AHCYL1: variants seen among roughly 807,000 people sequenced by gnomAD.
AHCYL1 encodes the protein S-adenosylhomocysteine hydrolase-like protein 1.
In AHCYL1, 20 loss-of-function variants were observed where a neutral mutation model predicts 79.3. The observed-to-expected ratio is 0.25, with a 90% CI of 0.18 to 0.37. AHCYL1 has a LOEUF of 0.37. Among genes scored for constraint, AHCYL1 ranks in the 10% least tolerant of loss-of-function variants. The pLI, the probability that AHCYL1 is intolerant of heterozygous loss-of-function variation, is 1.00. For synonymous variants in AHCYL1, 223 were observed against 242.2 expected (o/e 0.92, Z 0.74); for missense variants, 330 against 673.6 (o/e 0.49, Z 5.65).
chr1:110,016,207 T>C, intron 7 of AHCYL1, 137 bp from the exon 8 acceptor site: 1 of 598,258 alleles, frequency 1.7e-6, no homozygotes, highest in Non-Finnish European at 3.0e-6. Context: ...AATCATGTTT[T>C]CTAATATCCT....
At chr1:110,016,855 C>G (rs1651451621) in intron 9 of AHCYL1, 125 bp downstream of exon 9, 1 of 997,852 alleles carries the variant, frequency 1.0e-6, no homozygotes, top group Non-Finnish European at 1.5e-6. Context: ...GATAATGTAT[C>G]TCAAACAATA....
At chr1:109,992,862 G>A (rs1475587657) in intron 1 of AHCYL1, among the ~76,000 whole-genome samples, 1 of 152,168 alleles carries the variant, frequency 6.6e-6, no homozygotes, top group Non-Finnish European at 1.5e-5. Context: ...GAAACTCATG[G>A]ATCCTGGGTT....
In AHCYL1 at chr1:110,014,643, AT is replaced by A; in HGVS notation, c.581-114del. 4.4e-6 allele frequency: 3 copies of A among 678,046 alleles called. No homozygotes were observed. The South Asian group carries it at 6.6e-5, about 15-fold the overall frequency. The allele number at this position is 678,046 out of a possible 1,614,324, so 42.0% of individuals were successfully genotyped here. On this transcript the variant is annotated intron_variant, in intron 5 of 16. Coordinates refer to ENST00000369799, the MANE Select transcript of AHCYL1 (RefSeq NM_006621.7). Reference sequence around the variant, plus strand: ...GTGATTCTTTGACTTTTGGCTCTGAATTTTTTCCCTTCTGAAATTGTTTCTT... The same window carrying A: ...GTGATTCTTTGACTTTTGGCTCTGAATTTTTCCCTTCTGAAATTGTTTCTT...
chr1:110,017,606 A>G (rs369768930), intron 10 of AHCYL1, 23 bp downstream of exon 10: 382 of 1,604,770 alleles, frequency 2.4e-4, no homozygotes, highest in Non-Finnish European at 3.0e-4. Flanking sequence ...TGATAATACT[A>G]TTAGATTCAC....
chr1:110,019,026 C>G lies in AHCYL1; in HGVS notation c.1318-25C>G, dbSNP rs375068352. ...ATTGGAATCTGAGACAGAGCTCATC[C>G]CAGGGCTCTCTCTTACCTTTCCAGG... On this transcript the variant is annotated intron_variant, in intron 13 of 16. Transcript: ENST00000369799. 8 of 1,610,080 alleles carry G rather than the reference C, an allele frequency of 5.0e-6. No individual in the cohort carries two copies. In the African/African-American group the frequency reaches 6.7e-5, roughly 13 times the overall value.
Position 110,000,955 on chromosome 1 carries a change from C to A in AHCYL1, c.121-8079C>A, listed in dbSNP as rs552426681. 1.1e-4 allele frequency: 106 copies of A among 985,164 alleles called. No individual in the cohort carries two copies. In the African/African-American group the frequency reaches 1.7e-3, roughly 16 times the overall value. 61.0% of individuals were successfully genotyped at this position (985,164 alleles called of 1,614,324 possible). On this transcript the variant is annotated intron_variant, in intron 1 of 16. Coordinates refer to ENST00000369799, the MANE Select transcript of AHCYL1 (RefSeq NM_006621.7). The stretch of plus-strand genomic sequence containing the variant: ...GCAAAGCACTTAAAGTCATATAAAT[C>A]TAGGCATTCAGGATCTTGGTGTCCA...
intron 1 of AHCYL1, chr1:109,985,374 C>T (rs1649412145): frequency 1.5e-5 from 20 of 1,311,596 alleles, no homozygotes; most frequent in Non-Finnish European, 1.8e-5. Flanking sequence ...TGTCCCTCGG[C>T]CCAAGTCCTC....
intron 1 of AHCYL1, among the ~76,000 whole-genome samples, chr1:110,001,438 G>A (rs1185948613): frequency 3.9e-5 from 6 of 152,010 alleles, no homozygotes; most frequent in Non-Finnish European, 1.5e-5. Context: ...CACCCTGCTC[G>A]ACCTCCCAAA....
intron 1 of AHCYL1, among the ~76,000 whole-genome samples, chr1:109,993,665 TAGG>T: frequency 6.6e-6 from 1 of 152,232 alleles, no homozygotes; most frequent in Admixed American, 6.5e-5. Context: ...AAGCCAGAAA[TAGG>T]AGGTCAGGGA....
chr1:110,012,621 T>A (rs556879731), intron 4 of AHCYL1, among the ~76,000 whole-genome samples, 159 bp downstream of exon 4: 19 of 152,328 alleles, frequency 1.2e-4, no homozygotes, highest in African/African-American at 2.9e-4. Context: ...GGTTTTTTTT[T>A]AATATGTAAA....
At chr1:109,985,609 A>G (rs1356437674) in intron 1 of AHCYL1, 1 of 938,858 alleles carries the variant, frequency 1.1e-6, no homozygotes, top group Non-Finnish European at 1.3e-6. Flanking sequence ...TTATCCAACA[A>G]CTGCGTGATA....
At chr1:110,016,567 T>C (rs1326322179) in intron 8 of AHCYL1, 100 bp from the exon 9 acceptor site, 7 of 1,571,472 alleles carry the variant, frequency 4.5e-6, no homozygotes, top group Admixed American at 3.4e-5. Flanking sequence ...CAGCTTCCAA[T>C]TGATATTCTC....
intron 2 of AHCYL1, among the ~76,000 whole-genome samples, chr1:110,010,518 CT>C (rs1174722475): frequency 6.6e-6 from 1 of 152,224 alleles, no homozygotes; most frequent in Non-Finnish European, 1.5e-5. Flanking sequence ...TTTTGACAGA[CT>C]TTCCCAGGGC....
chr1:109,985,184 C>T lies in AHCYL1; in HGVS notation c.120+12C>T. The T allele has an allele frequency of 6.2e-7, 1 of 1,603,614 alleles. No homozygotes were observed. The highest frequency in any genetic ancestry group is 2.3e-5 in the East Asian group (1 of 44,162). On this transcript the variant is annotated intron_variant, in intron 1 of 16. Transcript: ENST00000369799. Reference sequence around the variant, plus strand: ...AGGCGCCCAAGAAGGTGCGGGGGCTCTGGGTGGCGGCGGGGGCTCGGGCTC... The same window carrying T: ...AGGCGCCCAAGAAGGTGCGGGGGCTTTGGGTGGCGGCGGGGGCTCGGGCTC...
chr1:110,017,987 G>A lies in AHCYL1; in HGVS notation c.1094G>A (p.Arg365Gln). Residue 365 changes from arginine (R) to glutamine (Q), a missense_variant, in exon 11 of 17, where the codon CGG becomes CAG. Arg to Gln is a conservative substitution (Grantham distance 43). This residue lies in a region of AHCYL1 where 119 missense variants were observed against 293.3 expected (regional missense o/e 0.41). Transcript: ENST00000369799. ...FRVVKLNEVIRQVDVVITCTG... is the reference protein window; with the variant it reads ...FRVVKLNEVIQQVDVVITCTG... Reference sequence around the variant, plus strand: ...GTGGTAAAGCTAAATGAAGTCATCCGGCAAGTCGATGTCGTAATAACTTGC... The same window carrying A: ...GTGGTAAAGCTAAATGAAGTCATCCAGCAAGTCGATGTCGTAATAACTTGC... 1 of 1,614,080 alleles carries A rather than the reference G, an allele frequency of 6.2e-7. No individual in the cohort carries two copies. The highest frequency in any genetic ancestry group is 8.5e-7 in the Non-Finnish European group (1 of 1,180,002).
intron 15 of AHCYL1, 99 bp from the exon 16 acceptor site, chr1:110,020,632 G>C: frequency 1.4e-6 from 2 of 1,420,860 alleles, no homozygotes; most frequent in Non-Finnish European, 1.9e-6. Context: ...TCCATCCCTT[G>C]TCTGCTTTCT....
At chr1:110,017,373 A>C in intron 9 of AHCYL1, 122 bp from the exon 10 acceptor site, 1 of 814,266 alleles carries the variant, frequency 1.2e-6, no homozygotes, top group Non-Finnish European at 2.0e-6. Context: ...GCGTCTGTGC[A>C]GCTGCTCACC....
At chr1:110,019,824 G>A (rs1273415411) in intron 15 of AHCYL1, among the ~76,000 whole-genome samples, 198 bp downstream of exon 15, 1 of 152,212 alleles carries the variant, frequency 6.6e-6, no homozygotes, top group Non-Finnish European at 1.5e-5. Flanking sequence ...TACATACATT[G>A]TAGAATTGTG....
At chr1:110,012,555 C>A in intron 4 of AHCYL1, 93 bp downstream of exon 4, 1 of 1,022,268 alleles carries the variant, frequency 9.8e-7, no homozygotes. Context: ...ACTCGCCAAC[C>A]TCCAAATGCT....
Sources: gnomAD v4.1 joint callset for allele counts (sites outside exome capture counted in the v4.1 genomes callset) on GRCh38, gnomAD v4.1.1 for gene constraint, gnomAD v4.1.1 regional missense constraint, MANE v1.5 for transcripts, NCBI Gene and HGNC (gene_info 2026-07-23, HGNC 2026-07-21) for gene names.